Variants in YWHAZ observed in about 807,000 individuals in gnomAD.
YWHAZ encodes the protein tyrosine 3-monooxygenase/tryptophan 5-monooxygenase activation protein zeta, also known as 14-3-3 protein zeta/delta.
For synonymous variants in YWHAZ, 87 were observed against 103.6 expected, an observed-to-expected ratio of 0.84 and a Z score of 0.97; for missense variants, 79 against 284.8, an observed-to-expected ratio of 0.28 and a Z score of 5.20.
At chr8:100,951,105 A>G in intron 1 of YWHAZ, 4 of 850,020 alleles carry the variant, frequency 4.7e-6, no homozygotes, top group Non-Finnish European at 5.6e-6. Flanking sequence ...CCCCACCAGG[A>G]AAATTCAAGT....
chr8:100,948,027 C>CTTGATTTTCCAGT lies in YWHAZ; in HGVS notation c.294+568_294+569insACTGGAAAATCAA. 7.3e-7 allele frequency: 1 copy of CTTGATTTTCCAGT among 1,371,500 alleles called. No individual in the cohort carries two copies. The highest frequency in any genetic ancestry group is 9.9e-7 in the Non-Finnish European group (1 of 1,008,068). 85.0% of individuals were successfully genotyped at this position (1,371,500 alleles called of 1,614,324 possible). A position where few individuals can be genotyped will look rare whatever the true frequency, so the allele number is the denominator to read the frequency against. On this transcript the variant is annotated intron_variant, in intron 2 of 5. Transcript: ENST00000395958. The surrounding 1 kb of genome is among the most constrained non-coding windows in gnomAD (Gnocchi z 4.2). ...ACTCGATTCAAACTGGAAAATCAAG[C>CTTGATTTTCCAGT]TTGAGTTGTTCATAACCTTTCATCA...
At chr8:100,940,062 CAAA>C (rs33984830) in intron 2 of YWHAZ, among the ~76,000 whole-genome samples, 2 of 99,020 alleles carry the variant, frequency 2.0e-5, no homozygotes, top group Non-Finnish European at 2.0e-5. Flanking sequence ...GACTCCGTCT[CAAA>C]AAAAAAAAAA....
intron 2 of YWHAZ, among the ~76,000 whole-genome samples, chr8:100,925,717 A>G (rs1345551191): frequency 1.3e-5 from 2 of 152,230 alleles, no homozygotes; most frequent in African/African-American, 4.8e-5. Context: ...AGATAAAATT[A>G]AAACATCATC....
intron 1 of YWHAZ, chr8:100,950,794 G>T (rs559005138): frequency 3.7e-4 from 65 of 177,336 alleles, no homozygotes; most frequent in African/African-American, 1.5e-3. Flanking sequence ...CCCCGCCACC[G>T]ATCAGCGCCG....
chr8:100,919,101 G>C lies in YWHAZ; in HGVS notation c.*1592C>G, dbSNP rs1812853471. 6.6e-6 allele frequency: 1 copy of C among 152,212 alleles called. No individual in the cohort carries two copies. The highest frequency in any genetic ancestry group is 1.5e-5 in the Non-Finnish European group (1 of 68,038). 9.4% of individuals were successfully genotyped at this position (152,212 alleles called of 1,614,324 possible). A position where few individuals can be genotyped will look rare whatever the true frequency, so the allele number is the denominator to read the frequency against. On this transcript the variant is annotated 3_prime_UTR_variant, in exon 6 of 6. Coordinates refer to ENST00000395958, the MANE Select transcript of YWHAZ (RefSeq NM_145690.3). ...AATAGTCTGTGGGATGCAAGCAAAG[G>C]AAGCAGGGTGCCTTAGACACTGAGT...
chr8:100,939,232 T>C (rs1414083369), intron 2 of YWHAZ, among the ~76,000 whole-genome samples: 1 of 152,202 alleles, frequency 6.6e-6, no homozygotes, highest in Non-Finnish European at 1.5e-5. Context: ...TAAAACTTTT[T>C]TTTTTTAATC....
chr8:100,920,879 A>G, intron 5 of YWHAZ, 127 bp from the exon 6 acceptor site: 1 of 795,674 alleles, frequency 1.3e-6, no homozygotes, highest in South Asian at 1.6e-5. Context: ...TAGCAGCATC[A>G]CTTAGCTTCA....
chr8:100,930,490 T>C (rs1813688956), intron 2 of YWHAZ, among the ~76,000 whole-genome samples: 1 of 152,238 alleles, frequency 6.6e-6, no homozygotes. Context: ...AAACCAAATC[T>C]AAATGGTTTT....
At chr8:100,927,485 T>C (rs1813444882) in intron 2 of YWHAZ, among the ~76,000 whole-genome samples, 1 of 152,196 alleles carries the variant, frequency 6.6e-6, no homozygotes, top group Non-Finnish European at 1.5e-5. Flanking sequence ...AATTGAATTA[T>C]ACCACTGTAC....
upstream of YWHAZ, chr8:100,952,169 C>G: frequency 1.0e-6 from 1 of 985,036 alleles, no homozygotes; most frequent in Non-Finnish European, 1.2e-6. Context: ...GATCGGGGCC[C>G]CGCGTAACCG....
chr8:100,940,260 C>T (rs978975552), intron 2 of YWHAZ, among the ~76,000 whole-genome samples: 9 of 152,230 alleles, frequency 5.9e-5, no homozygotes, highest in Middle Eastern at 3.4e-3. Context: ...ATTTCCCTCA[C>T]GATGCTTTTT....
intron 2 of YWHAZ, among the ~76,000 whole-genome samples, chr8:100,943,977 A>C (rs534451065): frequency 7.7e-6 from 1 of 129,298 alleles, no homozygotes; most frequent in Non-Finnish European, 1.6e-5. Flanking sequence ...ACAGAGCAAG[A>C]CTCCGTCTCA....
At position 100,924,819 on chromosome 8, in the gene YWHAZ, T is replaced by G. The variant is rs1018434058; in HGVS notation, c.418+97A>C. 6.6e-7 allele frequency: 1 copy of G among 1,515,940 alleles called. No individual in the cohort carries two copies. The highest frequency in any genetic ancestry group is 2.4e-4 in the Middle Eastern group (1 of 4,108). The allele number at this position is 1,515,940 out of a possible 1,614,324, so 93.9% of individuals were successfully genotyped here. On this transcript the variant is annotated intron_variant, in intron 3 of 5. Coordinates refer to ENST00000395958, the MANE Select transcript of YWHAZ (RefSeq NM_145690.3). The surrounding 1 kb of genome is among the most constrained non-coding windows in gnomAD (Gnocchi z 5.7). ...CACTGCTACTCCTTATTCGGCACTC[T>G]AAGCAATTCAAAACAAGACATTATG...
rs1183165659 is a variant in YWHAZ at position 100,922,814 on chromosome 8, C to T, written c.678+1141G>A. 1 of 152,186 alleles carries T rather than the reference C, an allele frequency of 6.6e-6. No homozygotes were observed. The highest frequency in any genetic ancestry group is 1.9e-4 in the East Asian group (1 of 5,202). 9.4% of individuals were successfully genotyped at this position (152,186 alleles called of 1,614,324 possible). A position where few individuals can be genotyped will look rare whatever the true frequency, so the allele number is the denominator to read the frequency against. On this transcript the variant is annotated intron_variant, in intron 5 of 5. Coordinates refer to ENST00000395958, the MANE Select transcript of YWHAZ (RefSeq NM_145690.3). This position sits in a 1 kb window ranked among gnomAD's most constrained non-coding sequence, Gnocchi z 4.1. ...AAAACACAGTATCTAGGTCTCAGGT[C>T]ATCACTTTAAAAATGTCATCACTTC... is the stretch of plus-strand genomic sequence containing the variant.
chr8:100,929,809 T>C (rs1481738353), intron 2 of YWHAZ, among the ~76,000 whole-genome samples: 1 of 150,324 alleles, frequency 6.7e-6, no homozygotes, highest in Non-Finnish European at 1.5e-5. Flanking sequence ...GTAGGAAGAA[T>C]AGAAAAAAAT....
chr8:100,943,986 C>CAAAAA (rs36113483), intron 2 of YWHAZ, among the ~76,000 whole-genome samples: 1 of 116,484 alleles, frequency 8.6e-6, no homozygotes, highest in Non-Finnish European at 1.7e-5. Context: ...GACTCCGTCT[C>CAAAAA]AAAAAAAAAA....
upstream of YWHAZ, chr8:100,952,704 G>A: frequency 2.4e-6 from 2 of 829,336 alleles, no homozygotes; most frequent in Non-Finnish European, 2.9e-6. Context: ...CGGGGGCCCC[G>A]GGGCGGGGGC....
In YWHAZ at chr8:100,924,768, G is replaced by T. The variant is rs1586089182; in HGVS notation, c.418+148C>A. ...TTTAGAATAGCAGTATGAGGCAGTA[G>T]ATGTGTATTCTCAGAACACAAAGAG... On this transcript the variant is annotated intron_variant, in intron 3 of 5. Coordinates refer to ENST00000395958, the MANE Select transcript of YWHAZ (RefSeq NM_145690.3). This position sits in a 1 kb window ranked among gnomAD's most constrained non-coding sequence, Gnocchi z 5.7. 7.8e-6 allele frequency: 7 copies of T among 903,018 alleles called. No homozygotes were observed. In the East Asian group the frequency reaches 7.8e-5, roughly 10 times the overall value. 55.9% of individuals were successfully genotyped at this position (903,018 alleles called of 1,614,324 possible).
chr8:100,941,551 G>A (rs775168737), intron 2 of YWHAZ, among the ~76,000 whole-genome samples: 5 of 152,154 alleles, frequency 3.3e-5, no homozygotes, highest in African/African-American at 9.7e-5. Context: ...TTGGGAGGCC[G>A]GGGTGGGTGG....
Sources: gnomAD v4.1 joint callset for allele counts (sites outside exome capture counted in the v4.1 genomes callset) on GRCh38, gnomAD v4.1.1 for gene constraint, Gnocchi (gnomAD v3.1) non-coding constraint, MANE v1.5 for transcripts, NCBI Gene and HGNC (gene_info 2026-07-23, HGNC 2026-07-21) for gene names.